The following UGGT2 variants were observed in gnomAD, a reference collection of about 807,000 sequenced individuals.
The protein encoded by UGGT2 is UDP-glucose glycoprotein glucosyltransferase 2, also known as UDP-glucose:glycoprotein glucosyltransferase 2.
In UGGT2, 180 loss-of-function variants were observed where a neutral mutation model predicts 192.1. That is an observed-to-expected ratio of 0.94 (90% confidence interval 0.83 to 1.06). UGGT2 has a LOEUF of 1.06. Ranked by LOEUF, UGGT2 falls within the 50% of genes least tolerant of loss-of-function variation. The pLI, the probability that UGGT2 is intolerant of heterozygous loss-of-function variation, is 0.00. For missense variants in UGGT2, 1,849 were observed against 1,795.7 expected, an observed-to-expected ratio of 1.03 and a Z score of -0.54; for synonymous variants, 580 against 591.0, an observed-to-expected ratio of 0.98 and a Z score of 0.27.
chr13:95,952,734 TC>T, intron 12 of UGGT2, among the ~76,000 whole-genome samples: 1 of 152,000 alleles, frequency 6.6e-6, no homozygotes. Flanking sequence ...AATATGAAAA[TC>T]ATAGCTTATG....
At chr13:95,926,036 T>C (rs2049005567) in intron 19 of UGGT2, among the ~76,000 whole-genome samples, 1 of 151,636 alleles carries the variant, frequency 6.6e-6, no homozygotes, top group Admixed American at 6.6e-5. Context: ...GTTAGAAGAG[T>C]AACTCATTAT....
chr13:95,937,242 A>G (rs1282114965), intron 16 of UGGT2, among the ~76,000 whole-genome samples, 154 bp from the exon 17 acceptor site: 2 of 152,222 alleles, frequency 1.3e-5, no homozygotes, highest in Non-Finnish European at 2.9e-5. Flanking sequence ...TGCCTAAAGG[A>G]AAGTAATTTA....
intron 38 of UGGT2, among the ~76,000 whole-genome samples, chr13:95,805,120 G>T (rs879871568): frequency 5.9e-5 from 9 of 151,846 alleles, no homozygotes; most frequent in Admixed American, 5.9e-4. Flanking sequence ...TTAAAAAATG[G>T]ACAAAGAACT....
intron 20 of UGGT2, among the ~76,000 whole-genome samples, chr13:95,911,260 A>G (rs548154440): frequency 1.3e-5 from 2 of 152,318 alleles, no homozygotes; most frequent in African/African-American, 4.8e-5. Flanking sequence ...AAGGAGATAG[A>G]GACATAAAAA....
At chr13:96,047,095 C>A (rs2053336839) in intron 1 of UGGT2, among the ~76,000 whole-genome samples, 1 of 152,168 alleles carries the variant, frequency 6.6e-6, no homozygotes, top group South Asian at 2.1e-4. Flanking sequence ...CTTATATGTC[C>A]CTGTCTGACA....
chr13:96,041,142 G>A (rs553791280), intron 1 of UGGT2, among the ~76,000 whole-genome samples: 10 of 152,268 alleles, frequency 6.6e-5, no homozygotes, highest in Admixed American at 2.0e-4. Flanking sequence ...GCTCCTGTAG[G>A]ACCTGGGAGA....
At chr13:95,939,917 G>A (rs1371438920) in intron 16 of UGGT2, 40 bp downstream of exon 16, 6 of 1,484,996 alleles carry the variant, frequency 4.0e-6, no homozygotes, top group East Asian at 2.4e-5. Context: ...TTGTCTTTCT[G>A]TGCCTGGCCT....
intron 20 of UGGT2, among the ~76,000 whole-genome samples, chr13:95,910,619 G>C (rs7990743): frequency 0.066 from 10,112 of 152,112 alleles, 599 homozygotes; most frequent in African/African-American, 0.15. Context: ...AAGAGACTTA[G>C]ACTCCCACAC....
intron 1 of UGGT2, among the ~76,000 whole-genome samples, chr13:96,041,696 T>C (rs2053169160): frequency 6.6e-6 from 1 of 151,888 alleles, no homozygotes; most frequent in African/African-American, 2.4e-5. Flanking sequence ...ACAGAGGGAG[T>C]GAGACTGGCC....
intron 10 of UGGT2, among the ~76,000 whole-genome samples, chr13:95,974,704 G>A (rs1004687500): frequency 6.6e-6 from 1 of 152,156 alleles, no homozygotes; most frequent in Non-Finnish European, 1.5e-5. Flanking sequence ...CTTAAATGAG[G>A]AGTAAGAATT....
intron 38 of UGGT2, among the ~76,000 whole-genome samples, chr13:95,830,976 T>C (rs960225515): frequency 7.9e-5 from 12 of 152,118 alleles, no homozygotes; most frequent in African/African-American, 2.4e-4. Flanking sequence ...ATGTCCTTTG[T>C]AGGGACATGG....
At chr13:95,921,636 A>G (rs1210596364) in intron 20 of UGGT2, among the ~76,000 whole-genome samples, 1 of 152,154 alleles carries the variant, frequency 6.6e-6, no homozygotes, top group Admixed American at 6.5e-5. Flanking sequence ...AGGAATGGGC[A>G]CTTCTAAGAA....
At chr13:95,987,636 T>G (rs1306954776) in intron 8 of UGGT2, among the ~76,000 whole-genome samples, 1 of 152,136 alleles carries the variant, frequency 6.6e-6, no homozygotes, top group East Asian at 1.9e-4. Flanking sequence ...CTATTAGAAC[T>G]TAGACAAGAG....
chr13:95,801,741 C>T lies in UGGT2; in HGVS notation c.*49G>A, dbSNP rs189654461. On this transcript the variant is annotated 3_prime_UTR_variant, in exon 39 of 39. Coordinates refer to ENST00000376747, the MANE Select transcript of UGGT2 (RefSeq NM_020121.4). The stretch of plus-strand genomic sequence containing the variant: ...AGGGGCTCCAGACTTCCCCAGCAGG[C>T]GGCAGGTTTCCTGTCATGCTTTCGC... The T allele has an allele frequency of 7.5e-5, 120 of 1,603,074 alleles. 1 individual carries two copies. Among genetic ancestry groups the T allele is most frequent in the East Asian group, 5.2e-4 (23 of 44,550 alleles).
At chr13:95,869,374 A>G (rs1195793597) in intron 29 of UGGT2, among the ~76,000 whole-genome samples, 1 of 152,182 alleles carries the variant, frequency 6.6e-6, no homozygotes, top group Admixed American at 6.5e-5. Context: ...TTATAGCAGC[A>G]TGTCTTATAA....
intron 1 of UGGT2, among the ~76,000 whole-genome samples, chr13:96,037,410 G>A (rs1002501281): frequency 2.0e-5 from 3 of 152,174 alleles, no homozygotes; most frequent in South Asian, 4.1e-4. Context: ...TGTTGGCTAC[G>A]CTGGTCTCAA....
At chr13:96,009,230 T>C (rs548481159) in intron 5 of UGGT2, among the ~76,000 whole-genome samples, 199 of 152,236 alleles carry the variant, frequency 1.3e-3, no homozygotes, top group Middle Eastern at 6.8e-3. Context: ...CCTAAAATTA[T>C]AAAAACCCTC....
At chr13:95,892,206 G>A (rs1302640620) in intron 24 of UGGT2, among the ~76,000 whole-genome samples, 1 of 151,984 alleles carries the variant, frequency 6.6e-6, no homozygotes, top group African/African-American at 2.4e-5. Flanking sequence ...CTCCCAGACT[G>A]CTAATTCTAT....
chr13:96,020,167 C>T (rs1183924992), intron 4 of UGGT2, among the ~76,000 whole-genome samples: 1 of 152,194 alleles, frequency 6.6e-6, no homozygotes, highest in Non-Finnish European at 1.5e-5. Context: ...TTGCGAGACA[C>T]TGACTCCTAG....
Sources: gnomAD v4.1 joint callset for allele counts (sites outside exome capture counted in the v4.1 genomes callset) on GRCh38, gnomAD v4.1.1 for gene constraint, MANE v1.5 for transcripts, NCBI Gene and HGNC (gene_info 2026-07-23, HGNC 2026-07-21) for gene names.